MLLT10: variants seen among roughly 807,000 people sequenced by gnomAD.
MLLT10 encodes MLLT10 histone lysine methyltransferase DOT1L cofactor.
MLLT10 carries 30 observed loss-of-function variants against 129.1 expected under a neutral mutation model. The observed-to-expected ratio is 0.23, with a 90% CI of 0.17 to 0.32. The LOEUF is 0.32. Ranked by LOEUF, MLLT10 falls within the 10% of genes least tolerant of loss-of-function variation. MLLT10 has a pLI of 1.00. For synonymous variants in MLLT10, 490 were observed against 446.4 expected (o/e 1.10, Z -1.23); for missense variants, 1,119 against 1,268.3 (o/e 0.88, Z 1.79).
chr10:21,632,447 AT>A (rs764323739), intron 8 of MLLT10, among the ~76,000 whole-genome samples: 3 of 152,184 alleles, frequency 2.0e-5, no homozygotes, highest in Non-Finnish European at 4.4e-5. Flanking sequence ...TTATTAATGT[AT>A]TTATCACCTG....
At chr10:21,591,599 T>G (rs1454987509) in intron 4 of MLLT10, among the ~76,000 whole-genome samples, 1 of 152,216 alleles carries the variant, frequency 6.6e-6, no homozygotes, top group African/African-American at 2.4e-5. Context: ...TTGCCTTAAA[T>G]TGCCTTTTTG....
At chr10:21,680,829 A>C (rs979693890) in intron 11 of MLLT10, among the ~76,000 whole-genome samples, 13 of 151,888 alleles carry the variant, frequency 8.6e-5, no homozygotes, top group African/African-American at 2.9e-4. Context: ...AAAATTAGCC[A>C]GGCATGGTGG....
At chr10:21,542,547 G>A (rs929335633) in intron 3 of MLLT10, among the ~76,000 whole-genome samples, 1 of 152,170 alleles carries the variant, frequency 6.6e-6, no homozygotes, top group Admixed American at 6.6e-5. Context: ...TCCATCTTGG[G>A]CAATGAGTGA....
intron 14 of MLLT10, among the ~76,000 whole-genome samples, chr10:21,725,316 TCATGTCCA>T (rs2057404742): frequency 6.6e-6 from 1 of 152,218 alleles, no homozygotes; most frequent in Admixed American, 6.5e-5. Flanking sequence ...TTAATTAGTC[TCATGTCCA>T]CATGGTTGCT....
At chr10:21,620,697 G>A (rs542865819) in intron 8 of MLLT10, among the ~76,000 whole-genome samples, 9 of 151,462 alleles carry the variant, frequency 5.9e-5, no homozygotes, top group East Asian at 3.9e-4. Flanking sequence ...TTGTTTGTTC[G>A]TTTGTTTACT....
chr10:21,703,171 G>A (rs892312251), intron 13 of MLLT10, among the ~76,000 whole-genome samples: 21 of 152,044 alleles, frequency 1.4e-4, no homozygotes, highest in African/African-American at 4.3e-4. Context: ...TGAGCATTTC[G>A]TGTAGGGTGG....
intron 13 of MLLT10, among the ~76,000 whole-genome samples, chr10:21,685,040 T>C (rs1402560702): frequency 6.6e-6 from 1 of 152,186 alleles, no homozygotes; most frequent in African/African-American, 2.4e-5. Flanking sequence ...TCTTTTTTAA[T>C]ACTTCTGGGT....
In MLLT10 at chr10:21,615,287, G is replaced by A. The variant is rs558499214; in HGVS notation, c.603+363G>A. On this transcript the variant is annotated intron_variant, in intron 7 of 22. Transcript: ENST00000307729. ...AGCCTGACCAGCATGGGGAAACCTC[G>A]TCTCTATTAAAAATACAAAATTAGC... Among the ~76,000 whole-genome samples, 18 of 151,532 alleles carry A rather than the reference G, an allele frequency of 1.2e-4. 1 individual carries two copies. The South Asian group carries it at 2.5e-3, about 21-fold the overall frequency.
intron 2 of MLLT10, among the ~76,000 whole-genome samples, chr10:21,535,783 C>T (rs2033869889): frequency 6.6e-6 from 1 of 152,104 alleles, no homozygotes; most frequent in Non-Finnish European, 1.5e-5. Flanking sequence ...AAAGGACTAC[C>T]ACCAAAAGGG....
Position 21,650,950 on chromosome 10 carries a change from G to A in MLLT10, c.700-723G>A, listed in dbSNP as rs749028328. ...TCTGGAGAAATTCTCATGCATGGTA[G>A]AGGAAAATCTGGTACTGTTCAGATG... On this transcript the variant is annotated intron_variant, in intron 8 of 22. Coordinates refer to ENST00000307729, the MANE Select transcript of MLLT10 (RefSeq NM_001195626.3). Among the ~76,000 whole-genome samples the A allele has an allele frequency of 3.3e-5, 5 of 152,144 alleles. 1 individual carries two copies. Among genetic ancestry groups the A allele is most frequent in the Middle Eastern group, 6.3e-3 (2 of 316 alleles).
At chr10:21,713,423 G>A (rs1450284291) in intron 13 of MLLT10, among the ~76,000 whole-genome samples, 2 of 152,190 alleles carry the variant, frequency 1.3e-5, no homozygotes, top group Non-Finnish European at 2.9e-5. Context: ...CCCATTAGGT[G>A]ATTTTTATGG....
chr10:21,564,322 C>T (rs2039261066), intron 3 of MLLT10: 1 of 152,172 alleles, frequency 6.6e-6, no homozygotes, highest in Non-Finnish European at 1.5e-5. Context: ...AACTTCTGAG[C>T]TAAAGCCATG....
chr10:21,660,062 T>C (rs1369523954), intron 9 of MLLT10, among the ~76,000 whole-genome samples: 1 of 151,966 alleles, frequency 6.6e-6, no homozygotes, highest in Non-Finnish European at 1.5e-5. Flanking sequence ...CCTCCCAGGC[T>C]CAAGCATACT....
In MLLT10 at chr10:21,713,925, C is replaced by T. The variant is rs1564701899; in HGVS notation, c.1853C>T (p.Ala618Val). ...CTCTCTCCCTCAGCTGTGTCATCTG[C>T]AGCCCCTGCTGTTGCTACAACTCAG... ...GALSPSAVSSAAPAVATTQAN... is the reference protein window; with the variant it reads ...GALSPSAVSSVAPAVATTQAN... The change falls in exon 14 of 23, where the codon GCA becomes GTA. Residue 618 changes from alanine to valine, a missense_variant. Ala to Val is a moderately conservative substitution (Grantham distance 64). Around this residue, in one of 5 missense-constraint regions of MLLT10, gnomAD observed 1,004 missense variants for 1,008.7 expected, o/e 1.00. Coordinates refer to ENST00000307729, the MANE Select transcript of MLLT10 (RefSeq NM_001195626.3). 2 of 1,612,844 alleles carry T rather than the reference C, an allele frequency of 1.2e-6. No homozygotes were observed. Among genetic ancestry groups the T allele is most frequent in the African/African-American group, 1.3e-5 (1 of 74,838 alleles).
chr10:21,616,637 T>G (rs1047624053), intron 7 of MLLT10, among the ~76,000 whole-genome samples: 1 of 152,102 alleles, frequency 6.6e-6, no homozygotes, highest in Non-Finnish European at 1.5e-5. Flanking sequence ...AGGAATTATT[T>G]ATTGAACTGC....
intron 3 of MLLT10, among the ~76,000 whole-genome samples, chr10:21,579,207 G>C (rs1401544817): frequency 6.6e-6 from 1 of 152,110 alleles, no homozygotes; most frequent in African/African-American, 2.4e-5. Flanking sequence ...CATATTTTAT[G>C]ATGAGAAATC....
intron 3 of MLLT10, among the ~76,000 whole-genome samples, chr10:21,570,201 G>A (rs1329795893): frequency 6.6e-6 from 1 of 151,876 alleles, no homozygotes. Flanking sequence ...GAGCCACTGT[G>A]CCAGGCCAAT....
chr10:21,718,338 T>A (rs1048043586), intron 14 of MLLT10, among the ~76,000 whole-genome samples: 1 of 152,140 alleles, frequency 6.6e-6, no homozygotes, highest in African/African-American at 2.4e-5. Flanking sequence ...TAATCATGGA[T>A]CAGGGTAGAG....
intron 5 of MLLT10, among the ~76,000 whole-genome samples, chr10:21,610,134 A>G (rs563843000): frequency 6.6e-6 from 1 of 152,312 alleles, no homozygotes; most frequent in Admixed American, 6.5e-5. Flanking sequence ...AGGGAAGGGT[A>G]TGATAGCTTC....
Sources: allele counts gnomAD v4.1 joint callset (sites outside exome capture counted in the v4.1 genomes callset), GRCh38; gene constraint gnomAD v4.1.1; regional missense constraint gnomAD v4.1.1; transcripts MANE v1.5; gene names NCBI Gene and HGNC (gene_info 2026-07-23, HGNC 2026-07-21).